Variants in KDM2B observed in about 807,000 individuals in gnomAD.
The protein encoded by KDM2B is lysine-specific demethylase 2B.
KDM2B carries 26 observed loss-of-function variants against 150.0 expected under a neutral mutation model. The ratio of observed to expected loss-of-function variants is 0.17; its 90% CI spans 0.13 to 0.24. The LOEUF is 0.24. Ranked by LOEUF, KDM2B falls within the 10% of genes least tolerant of loss-of-function variation. The probability of loss-of-function intolerance (pLI) is 1.00; values close to 1 mark genes in which losing one functional copy is unlikely to be tolerated. For synonymous variants in KDM2B, 734 were observed against 729.5 expected, an observed-to-expected ratio of 1.01 and a Z score of -0.10; for missense variants, 1,265 against 1,816.9, an observed-to-expected ratio of 0.70 and a Z score of 5.52.
chr12:121,579,242 C>T (rs1891749772), intron 1 of KDM2B, among the ~76,000 whole-genome samples: 1 of 152,162 alleles, frequency 6.6e-6, no homozygotes, highest in Admixed American at 6.5e-5. Flanking sequence ...ATGTGCTGGG[C>T]TTCGCCCACT....
At chr12:121,444,365 G>C (rs782350306) in intron 15 of KDM2B, 85 bp downstream of exon 15, 32 of 1,607,032 alleles carry the variant, frequency 2.0e-5, no homozygotes, top group African/African-American at 2.7e-5. Flanking sequence ...CCACCTGCCT[G>C]AAACTCCTGG....
At position 121,578,829 on chromosome 12, in the gene KDM2B, C is replaced by G; in HGVS notation, c.244G>C (p.Asp82His). ...TTGCCCTCCATGGCGTGCACGAAGT[C>G]CCCCTGGTACAGCTGGCTGCGAAGC... ...EKLRSQLYQG[D>H]FVHAMEGKDF... Residue 82 changes from aspartate (D) to histidine (H), a missense_variant, in exon 2 of 23, where the codon GAC becomes CAC. Asp to His is a moderately conservative substitution (Grantham distance 81). Coordinates refer to ENST00000377071, the MANE Select transcript of KDM2B (RefSeq NM_032590.5). 6.3e-7 allele frequency: 1 copy of G among 1,599,084 alleles called. No individual in the cohort carries two copies. Among genetic ancestry groups the G allele is most frequent in the Non-Finnish European group, 8.5e-7 (1 of 1,172,282 alleles).
chr12:121,463,054 C>T (rs1879332606), intron 12 of KDM2B, among the ~76,000 whole-genome samples: 2 of 150,862 alleles, frequency 1.3e-5, no homozygotes, highest in African/African-American at 4.9e-5. Flanking sequence ...TGGTGGCTCA[C>T]GCCTATAATC....
At chr12:121,558,806 G>T (rs1249642932) in intron 4 of KDM2B, among the ~76,000 whole-genome samples, 4 of 152,080 alleles carry the variant, frequency 2.6e-5, no homozygotes, top group Non-Finnish European at 4.4e-5. Context: ...GGCCAGGATG[G>T]TCTCGAATTC....
intron 12 of KDM2B, among the ~76,000 whole-genome samples, chr12:121,492,018 C>T (rs1228372763): frequency 6.6e-6 from 1 of 151,848 alleles, no homozygotes. Context: ...ACTAGCCAGG[C>T]GTGATGGCAT....
intron 2 of KDM2B, 135 bp downstream of exon 2, chr12:121,578,661 CAGTGCT>C: frequency 3.0e-6 from 1 of 328,572 alleles, no homozygotes; most frequent in South Asian, 4.6e-5. Context: ...CCCACCCCCC[CAGTGCT>C]CGGCCTCGTT....
chr12:121,494,483 GC>G (rs1883693623), intron 12 of KDM2B, 95 bp downstream of exon 12: 3 of 785,840 alleles, frequency 3.8e-6, no homozygotes, highest in Non-Finnish European at 6.4e-6. Flanking sequence ...ATCTCAGGAG[GC>G]CCCATAGCTA....
the KDM2B span, chr12:121,423,399 G>A: frequency 2.5e-6 from 4 of 1,607,416 alleles, no homozygotes; most frequent in South Asian, 3.3e-5. This position sits in a 1 kb window ranked among gnomAD's most constrained non-coding sequence, Gnocchi z 4.3. Context: ...GCGAGCGGCT[G>A]CAGCTGCAGG....
chr12:121,495,806 A>G (rs1883874300), intron 11 of KDM2B, among the ~76,000 whole-genome samples: 1 of 152,134 alleles, frequency 6.6e-6, no homozygotes, highest in South Asian at 2.1e-4. Flanking sequence ...TTTTTGCAAC[A>G]TGGGCCCTAA....
chr12:121,575,268 C>A lies in KDM2B; in HGVS notation c.350+513G>T, dbSNP rs573010978. Reference sequence around the variant, plus strand: ...CCAGCCTGCCTCCCAGACCTCTCCCCCAACCTGGAGCTCTGACAGATCTCA... The same window carrying A: ...CCAGCCTGCCTCCCAGACCTCTCCCACAACCTGGAGCTCTGACAGATCTCA... On this transcript the variant is annotated intron_variant, in intron 3 of 22. Coordinates refer to ENST00000377071, the MANE Select transcript of KDM2B (RefSeq NM_032590.5). This position sits in a 1 kb window ranked among gnomAD's most constrained non-coding sequence, Gnocchi z 4.4. 6.6e-6 allele frequency among the ~76,000 whole-genome samples: 1 copy of A among 152,222 alleles called. No individual in the cohort carries two copies. The highest frequency in any genetic ancestry group is 1.5e-5 in the Non-Finnish European group (1 of 68,040).
intron 4 of KDM2B, among the ~76,000 whole-genome samples, chr12:121,559,198 T>C (rs1890142675): frequency 6.6e-6 from 1 of 152,006 alleles, no homozygotes. Flanking sequence ...GGGGGAAGCG[T>C]ATAGGCAAGA....
rs562896898 is a variant in KDM2B at position 121,565,624 on chromosome 12, A to ATT, written c.397+8921_397+8922dup. On this transcript the variant is annotated intron_variant, in intron 4 of 22. Transcript: ENST00000377071. ...CGGGCCACCGCGCCTGGCCAAGAGG[A>ATT]TTTTTTTTTCTTTTTTCTGAGATGG... 8.6e-3 allele frequency among the ~76,000 whole-genome samples: 1,272 copies of ATT among 148,382 alleles called. 22 individuals are homozygous for ATT. The highest frequency in any genetic ancestry group is 0.03 in the African/African-American group (1,195 of 40,128).
At position 121,467,649 on chromosome 12, in the gene KDM2B, T is replaced by G. The variant is rs1389945270; in HGVS notation, c.1735-14305A>C. 6.6e-6 allele frequency: 1 copy of G among 150,704 alleles called. No homozygotes were observed. The highest frequency in any genetic ancestry group is 1.5e-5 in the Non-Finnish European group (1 of 67,700). The allele number at this position is 150,704 out of a possible 1,614,324, so 9.3% of individuals were successfully genotyped here. A position where few individuals can be genotyped will look rare whatever the true frequency, so the allele number is the denominator to read the frequency against. ...TGGCCCGCGCGCCGCGGGATGCACA[T>G]GGGTGGCTGCACGCCGCCACCGCTG... On this transcript the variant is annotated intron_variant, in intron 12 of 22. Coordinates refer to ENST00000377071, the MANE Select transcript of KDM2B (RefSeq NM_032590.5). This position sits in a 1 kb window ranked among gnomAD's most constrained non-coding sequence, Gnocchi z 5.1.
intron 12 of KDM2B, among the ~76,000 whole-genome samples, chr12:121,464,525 C>T (rs1198307637): frequency 1.3e-5 from 2 of 152,180 alleles, no homozygotes; most frequent in South Asian, 2.1e-4. Flanking sequence ...GACAGGCCAG[C>T]GCAGCACGAC....
chr12:121,520,748 T>G lies in KDM2B; in HGVS notation c.1047+237A>C, dbSNP rs929323059. 6.6e-5 allele frequency among the ~76,000 whole-genome samples: 10 copies of G among 152,242 alleles called. No individual in the cohort carries two copies. The highest frequency in any genetic ancestry group is 2.1e-4 in the South Asian group (1 of 4,824). Reference sequence around the variant, plus strand: ...CACTTCCTCTTCCACAAGGGGGTTTTGGCTGCCCCCAACCTGGAGGTGAAC... The same window carrying G: ...CACTTCCTCTTCCACAAGGGGGTTTGGGCTGCCCCCAACCTGGAGGTGAAC... On this transcript the variant is annotated intron_variant, in intron 9 of 22. Coordinates refer to ENST00000377071, the MANE Select transcript of KDM2B (RefSeq NM_032590.5). This position sits in a 1 kb window ranked among gnomAD's most constrained non-coding sequence, Gnocchi z 4.5.
At chr12:121,502,051 G>A (rs919151787) in intron 11 of KDM2B, among the ~76,000 whole-genome samples, 3 of 152,144 alleles carry the variant, frequency 2.0e-5, no homozygotes, top group Admixed American at 6.6e-5. Flanking sequence ...GGGAACTGAC[G>A]ACCTCAAGAG....
chr12:121,442,850 C>G lies in KDM2B; in HGVS notation c.2605-14G>C. 1 of 1,516,342 alleles carries G rather than the reference C, an allele frequency of 6.6e-7. No homozygotes were observed. The highest frequency in any genetic ancestry group is 8.8e-7 in the Non-Finnish European group (1 of 1,137,066). 93.9% of individuals were successfully genotyped at this position (1,516,342 alleles called of 1,614,324 possible). ...CCAGGACCGCCGCTGAGGGCGAGAG[C>G]GGAGACGCGTCAGCCTCTGGGGCTC... On this transcript the variant is annotated splice_polypyrimidine_tract_variant and intron_variant, in intron 18 of 22. Transcript: ENST00000377071. This position sits in a 1 kb window ranked among gnomAD's most constrained non-coding sequence, Gnocchi z 7.7.
intron 6 of KDM2B, among the ~76,000 whole-genome samples, chr12:121,545,367 C>A (rs1472499344): frequency 6.6e-6 from 1 of 150,774 alleles, no homozygotes; most frequent in African/African-American, 2.4e-5. Flanking sequence ...GCAGTGTGTG[C>A]ACAGTGACAG....
chr12:121,465,119 C>T (rs1346747360), intron 12 of KDM2B, among the ~76,000 whole-genome samples: 1 of 152,186 alleles, frequency 6.6e-6, no homozygotes, highest in Non-Finnish European at 1.5e-5. Context: ...AACAATACAA[C>T]CTCAAGTCGT....
Sources: gnomAD v4.1 joint callset for allele counts (sites outside exome capture counted in the v4.1 genomes callset) on GRCh38, gnomAD v4.1.1 for gene constraint, Gnocchi (gnomAD v3.1) non-coding constraint, MANE v1.5 for transcripts, NCBI Gene and HGNC (gene_info 2026-07-23, HGNC 2026-07-21) for gene names.